Variants in UGT1A7 observed in about 807,000 individuals in gnomAD.
UGT1A7 encodes UDP-glucuronosyltransferase 1A7.
A neutral mutation model predicts 45.6 loss-of-function variants in UGT1A7; 33 were observed. That is an observed-to-expected ratio of 0.72 (90% confidence interval 0.55 to 0.97). UGT1A7 has a LOEUF of 0.97. Ranked by LOEUF, UGT1A7 falls within the 50% of genes least tolerant of loss-of-function variation. The probability of loss-of-function intolerance (pLI) is 0.00; values close to 1 mark genes in which losing one functional copy is unlikely to be tolerated. For missense variants in UGT1A7, 684 were observed against 666.2 expected, an observed-to-expected ratio of 1.03 and a Z score of -0.29; for synonymous variants, 274 against 250.6, an observed-to-expected ratio of 1.09 and a Z score of -0.88.
intron 1 of UGT1A7, among the ~76,000 whole-genome samples, chr2:233,696,716 ACAGTTTT>A (rs1306894731): frequency 7.2e-5 from 11 of 152,138 alleles, no homozygotes; most frequent in Admixed American, 2.6e-4. Context: ...TTTTAGAGGA[ACAGTTTT>A]CAGTTTTACC....
At position 233,729,418 on chromosome 2, in the gene UGT1A7, C is replaced by G. The variant is rs767075573; in HGVS notation, c.856-37616C>G. 8.1e-6 allele frequency: 13 copies of G among 1,613,638 alleles called. No individual in the cohort carries two copies. In the African/African-American group the frequency reaches 1.5e-4, roughly 18 times the overall value. The stretch of plus-strand genomic sequence containing the variant: ...TGATCGCCATGTGCTGGGCCACACT[C>G]AACTGTACTTTGAAACAGAACATTT... On this transcript the variant is annotated intron_variant, in intron 1 of 4. Coordinates refer to ENST00000373426, the MANE Select transcript of UGT1A7 (RefSeq NM_019077.3).
intron 1 of UGT1A7, among the ~76,000 whole-genome samples, chr2:233,711,721 C>T (rs1314393643): frequency 6.6e-6 from 1 of 152,208 alleles, no homozygotes; most frequent in East Asian, 1.9e-4. Context: ...GCCTCAGCTT[C>T]ACCAGCAATG....
Position 233,713,004 on chromosome 2 carries a change from C to A in UGT1A7, c.855+30212C>A, listed in dbSNP as rs942673517. ...GGCTTCTGCTGAGATGGCCACAGGA[C>A]TCCAGGTTCCCCTGCCGCAGCTGGC... On this transcript the variant is annotated intron_variant, in intron 1 of 4. Coordinates refer to ENST00000373426, the MANE Select transcript of UGT1A7 (RefSeq NM_019077.3). 1.5e-5 allele frequency: 25 copies of A among 1,613,434 alleles called. No individual in the cohort carries two copies. The highest frequency in any genetic ancestry group is 2.0e-5 in the Non-Finnish European group (24 of 1,180,048).
Position 233,740,237 on chromosome 2 carries a change from A to G in UGT1A7, c.856-26797A>G, listed in dbSNP as rs6746419. ...TCAGCTGCGTCTTTATAGCAGGCTG[A>G]GAATAGACTAATACAAGATTGGTGG... On this transcript the variant is annotated intron_variant, in intron 1 of 4. Transcript: ENST00000373426. 5.0e-3 allele frequency among the ~76,000 whole-genome samples: 755 copies of G among 151,996 alleles called. 33 individuals carry two copies. Among genetic ancestry groups the G allele is most frequent in the African/African-American group, 0.017 (720 of 41,218 alleles).
intron 1 of UGT1A7, among the ~76,000 whole-genome samples, chr2:233,731,422 C>T (rs547999595): frequency 2.0e-5 from 3 of 152,028 alleles, no homozygotes; most frequent in Non-Finnish European, 4.4e-5. Context: ...TTTCCTAATG[C>T]CATCCCTCCC....
intron 1 of UGT1A7, among the ~76,000 whole-genome samples, chr2:233,735,526 GT>G (rs2078663821): frequency 6.6e-6 from 1 of 152,088 alleles, no homozygotes. Flanking sequence ...GGTAAATATT[GT>G]TATGAGTGAA....
intron 1 of UGT1A7, chr2:233,717,696 GGA>G: frequency 2.2e-6 from 1 of 445,086 alleles, no homozygotes; most frequent in Non-Finnish European, 4.6e-6. Flanking sequence ...GTGACTTTCT[GGA>G]GCAGGACGAG....
chr2:233,696,158 A>G (rs2075328796), intron 1 of UGT1A7, among the ~76,000 whole-genome samples: 1 of 152,220 alleles, frequency 6.6e-6, no homozygotes, highest in Non-Finnish European at 1.5e-5. Flanking sequence ...TATATATCCA[A>G]AAGAAAAAAA....
intron 1 of UGT1A7, among the ~76,000 whole-genome samples, chr2:233,759,570 T>G (rs2125974184): frequency 6.6e-6 from 1 of 152,070 alleles, no homozygotes; most frequent in African/African-American, 2.4e-5. Flanking sequence ...TTCTGGTCAT[T>G]CTCTACCCCA....
Position 233,760,202 on chromosome 2 carries a change from A to C in UGT1A7, c.856-6832A>C, listed in dbSNP as rs1457649665. ...TTTTATAGTCACGTGACACAGTCAA[A>C]CATTAACTTGGTGTATCGATTGGTT... On this transcript the variant is annotated intron_variant, in intron 1 of 4. Transcript: ENST00000373426. 3.2e-6 allele frequency: 5 copies of C among 1,583,728 alleles called. No homozygotes were observed. The Admixed American group carries it at 8.5e-5, about 27-fold the overall frequency.
intron 1 of UGT1A7, chr2:233,743,508 C>T (rs750114193): frequency 5.1e-6 from 7 of 1,367,284 alleles, no homozygotes; most frequent in East Asian, 9.1e-5. Context: ...GGGGTGCAGA[C>T]GCTCTGCTTC....
chr2:233,712,867 C>T lies in UGT1A7; in HGVS notation c.855+30075C>T, dbSNP rs535442696. ...CGGGTAATAAGTAACTGGAGGAGGG[C>T]ACTCTGTCTTCAATTACATGTTGAT... On this transcript the variant is annotated intron_variant, in intron 1 of 4. Transcript: ENST00000373426. 1.4e-5 allele frequency: 22 copies of T among 1,575,314 alleles called. No individual in the cohort carries two copies. The African/African-American group carries it at 2.4e-4, about 17-fold the overall frequency.
chr2:233,691,330 G>C, intron 1 of UGT1A7: 1 of 985,542 alleles, frequency 1.0e-6, no homozygotes, highest in Non-Finnish European at 1.2e-6. Flanking sequence ...AGCTTGGACT[G>C]AGCTGAGTCT....
rs1297970201 is a variant in UGT1A7, at chr2:233,751,288, T to C, written c.856-15746T>C. 1.2e-4 allele frequency among the ~76,000 whole-genome samples: 18 copies of C among 151,952 alleles called. 3 individuals are homozygous for C. Among genetic ancestry groups the C allele is most frequent in the African/African-American group, 4.4e-4 (18 of 41,184 alleles). Reference sequence around the variant, plus strand: ...CCTTTTTTTGGCCAGTTTCTCCCATTTGGAATGGGAATATTTACCCAATTT... The same window carrying C: ...CCTTTTTTTGGCCAGTTTCTCCCATCTGGAATGGGAATATTTACCCAATTT... On this transcript the variant is annotated intron_variant, in intron 1 of 4. Transcript: ENST00000373426.
intron 1 of UGT1A7, chr2:233,691,549 G>C (rs1182014664): frequency 1.1e-5 from 11 of 985,572 alleles, no homozygotes; most frequent in South Asian, 4.7e-5. Flanking sequence ...GTCTGTTCTA[G>C]TAATTCAAGG....
intron 1 of UGT1A7, chr2:233,747,967 C>T: frequency 6.2e-7 from 1 of 1,613,484 alleles, no homozygotes; most frequent in Non-Finnish European, 8.5e-7. Flanking sequence ...CTCAGCCATG[C>T]ATCTGTGTGG....
intron 1 of UGT1A7, among the ~76,000 whole-genome samples, chr2:233,707,811 C>T (rs1355415040): frequency 1.3e-5 from 2 of 152,088 alleles, no homozygotes; most frequent in Admixed American, 6.6e-5. Flanking sequence ...CGTTGGAGGG[C>T]GTGCATATCA....
At chr2:233,761,722 G>C (rs1220395060) in intron 1 of UGT1A7, among the ~76,000 whole-genome samples, 1 of 152,224 alleles carries the variant, frequency 6.6e-6, no homozygotes, top group African/African-American at 2.4e-5. Context: ...CAAGCTATTA[G>C]GTTTATTTTT....
chr2:233,712,379 T>C (rs1343800513), intron 1 of UGT1A7, among the ~76,000 whole-genome samples: 12 of 152,190 alleles, frequency 7.9e-5, no homozygotes, highest in African/African-American at 2.9e-4. Flanking sequence ...TTTTTTATAT[T>C]GACAGCCACT....
Sources: gnomAD v4.1 joint callset for allele counts (sites outside exome capture counted in the v4.1 genomes callset) on GRCh38, gnomAD v4.1.1 for gene constraint, MANE v1.5 for transcripts, NCBI Gene and HGNC (gene_info 2026-07-23, HGNC 2026-07-21) for gene names.